The following STON2 variants were observed in gnomAD, a reference collection of about 807,000 sequenced individuals.
STON2 encodes the protein stonin 2.
In STON2, 29 loss-of-function variants were observed where a neutral mutation model predicts 65.7. The observed-to-expected ratio is 0.44, with a 90% CI of 0.33 to 0.60. The LOEUF is 0.60. Among genes scored for constraint, STON2 ranks in the 20% least tolerant of loss-of-function variants. STON2 has a pLI of 0.03. For synonymous variants in STON2, 404 were observed against 414.2 expected (o/e 0.98, Z 0.30); for missense variants, 1,054 against 1,118.1 (o/e 0.94, Z 0.82).
chr14:81,404,292 G>A (rs1900743894), upstream of STON2, among the ~76,000 whole-genome samples: 1 of 152,122 alleles, frequency 6.6e-6, no homozygotes, highest in African/African-American at 2.4e-5. Flanking sequence ...TGAATGAGTT[G>A]TTCCTTAAGT....
At chr14:81,298,075 C>A (rs1332930616) in intron 5 of STON2, among the ~76,000 whole-genome samples, 1 of 152,066 alleles carries the variant, frequency 6.6e-6, no homozygotes, top group East Asian at 1.9e-4. Context: ...TATTGCCATG[C>A]ACATTAAGTA....
chr14:81,385,170 T>TC (rs1283859466), intron 3 of STON2, among the ~76,000 whole-genome samples: 1 of 152,246 alleles, frequency 6.6e-6, no homozygotes, highest in Admixed American at 6.5e-5. Flanking sequence ...GTGTTTTGTA[T>TC]CCCACACCAA....
upstream of STON2, among the ~76,000 whole-genome samples, chr14:81,404,205 T>G (rs1483242022): frequency 6.6e-6 from 1 of 152,206 alleles, no homozygotes; most frequent in African/African-American, 2.4e-5. Flanking sequence ...TTCCCCTTTC[T>G]CTTTGATCTA....
At chr14:81,373,538 A>G (rs1424663488) in intron 3 of STON2, among the ~76,000 whole-genome samples, 2 of 152,214 alleles carry the variant, frequency 1.3e-5, no homozygotes, top group Admixed American at 6.5e-5. Context: ...GGTGAGCAAC[A>G]AAGTAAAGAA....
At chr14:81,306,118 T>C (rs1159936847) in intron 5 of STON2, among the ~76,000 whole-genome samples, 1 of 151,286 alleles carries the variant, frequency 6.6e-6, no homozygotes, top group Admixed American at 6.6e-5. Context: ...TAATTTTTTT[T>C]AATTGCAACC....
chr14:81,329,194 G>A (rs372822981), intron 4 of STON2, among the ~76,000 whole-genome samples: 5 of 152,118 alleles, frequency 3.3e-5, no homozygotes, highest in African/African-American at 4.8e-5. Flanking sequence ...GGTGGCTCAC[G>A]CTTGTAATCC....
Position 81,398,385 on chromosome 14 carries a change from T to TA in STON2, c.-4dup. The stretch of plus-strand genomic sequence containing the variant: ...ATCACATGGTCCAAAGTCGTCATGC[T>TA]AAAAAGGCACTGGTCATCTTCACAC... On this transcript the variant is annotated 5_prime_UTR_variant, in exon 2 of 8. Coordinates refer to ENST00000614646, the MANE Select transcript of STON2 (RefSeq NM_001394390.1). 1.9e-6 allele frequency: 3 copies of TA among 1,613,366 alleles called. No individual in the cohort carries two copies. Among genetic ancestry groups the TA allele is most frequent in the Non-Finnish European group, 2.5e-6 (3 of 1,179,388 alleles).
chr14:81,311,715 T>C (rs1466697723), intron 5 of STON2, among the ~76,000 whole-genome samples: 1 of 152,202 alleles, frequency 6.6e-6, no homozygotes, highest in Non-Finnish European at 1.5e-5. Context: ...ATAATTCTGT[T>C]AAAATGTTAT....
chr14:81,306,167 C>CTCTCTCTCTCTA (rs760274489), intron 5 of STON2, among the ~76,000 whole-genome samples: 11 of 132,346 alleles, frequency 8.3e-5, no homozygotes, highest in African/African-American at 2.8e-4. Flanking sequence ...CTCTCTCTCT[C>CTCTCTCTCTCTA]TATATATATA....
intron 4 of STON2, among the ~76,000 whole-genome samples, chr14:81,357,007 A>G (rs1426201585): frequency 1.3e-5 from 2 of 152,184 alleles, no homozygotes; most frequent in Admixed American, 6.5e-5. Flanking sequence ...CTTCATGTCT[A>G]AAACACCAAA....
intron 3 of STON2, among the ~76,000 whole-genome samples, chr14:81,387,163 G>GT (rs958433244): frequency 8.6e-4 from 116 of 134,834 alleles, no homozygotes; most frequent in Admixed American, 8.8e-4. Context: ...CCAGAAGGTT[G>GT]TTTTTTTTTT....
At position 81,372,262 on chromosome 14, in the gene STON2, A is replaced by G. The variant is rs187642924; in HGVS notation, c.374-1077T>C. ...GCCTCCACGGTGCTGCATAAGAATC[A>G]TATCATTACGGCCGGGCACGGTGGC... On this transcript the variant is annotated intron_variant, in intron 3 of 7. Coordinates refer to ENST00000614646, the MANE Select transcript of STON2 (RefSeq NM_001394390.1). Among the ~76,000 whole-genome samples, 20 of 152,258 alleles carry G rather than the reference A, an allele frequency of 1.3e-4. No individual in the cohort carries two copies. The South Asian group carries it at 2.5e-3, about 19-fold the overall frequency.
chr14:81,433,366 T>G (rs1902291303), intron 1 of STON2, among the ~76,000 whole-genome samples: 1 of 152,170 alleles, frequency 6.6e-6, no homozygotes, highest in African/African-American at 2.4e-5. Context: ...GAAATGTGTG[T>G]TCAGCAGGAA....
In STON2 at chr14:81,264,992, G is replaced by A; in HGVS notation, c.*3422C>T. 3.1e-6 allele frequency: 3 copies of A among 982,420 alleles called. No individual in the cohort carries two copies. The highest frequency in any genetic ancestry group is 4.7e-5 in the South Asian group (1 of 21,206). 60.9% of individuals were successfully genotyped at this position (982,420 alleles called of 1,614,324 possible). ...TGATACCACGTGATATCTAATTTAT[G>A]TTCTAAGAGTAATACTATGTACTGG... On this transcript the variant is annotated 3_prime_UTR_variant, in exon 8 of 8. Coordinates refer to ENST00000614646, the MANE Select transcript of STON2 (RefSeq NM_001394390.1).
chr14:81,435,266 T>C (rs1278240737), intron 1 of STON2, among the ~76,000 whole-genome samples: 1 of 152,148 alleles, frequency 6.6e-6, no homozygotes, highest in African/African-American at 2.4e-5. Context: ...ATAATAGCAT[T>C]TTTTTCCTTT....
At chr14:81,350,333 A>G (rs2140313501) in intron 4 of STON2, among the ~76,000 whole-genome samples, 1 of 152,282 alleles carries the variant, frequency 6.6e-6, no homozygotes, top group South Asian at 2.1e-4. Flanking sequence ...ATGTACAAAT[A>G]CTATGCACCA....
chr14:81,394,565 C>A (rs992769583), intron 3 of STON2, among the ~76,000 whole-genome samples: 1 of 152,126 alleles, frequency 6.6e-6, no homozygotes, highest in Non-Finnish European at 1.5e-5. Flanking sequence ...GGGACATTAT[C>A]CCGGTGAGCC....
chr14:81,289,987 C>T (rs1272994098), intron 5 of STON2, among the ~76,000 whole-genome samples: 3 of 152,216 alleles, frequency 2.0e-5, no homozygotes, highest in Non-Finnish European at 4.4e-5. Context: ...TTCAGTCTCA[C>T]CAATAGCTCT....
At chr14:81,286,531 T>C (rs1048886894) in intron 5 of STON2, among the ~76,000 whole-genome samples, 1 of 152,246 alleles carries the variant, frequency 6.6e-6, no homozygotes, top group Non-Finnish European at 1.5e-5. Flanking sequence ...TTACACATAA[T>C]GCTATTGCAC....
Sources: allele counts gnomAD v4.1 joint callset (sites outside exome capture counted in the v4.1 genomes callset), GRCh38; gene constraint gnomAD v4.1.1; transcripts MANE v1.5; gene names NCBI Gene and HGNC (gene_info 2026-07-23, HGNC 2026-07-21).